BTBD9: variants seen among roughly 807,000 people sequenced by gnomAD.
BTBD9 encodes BTB domain containing 9, also known as BTB/POZ domain-containing protein 9.
BTBD9 carries 49 observed loss-of-function variants against 64.3 expected under a neutral mutation model. The observed-to-expected ratio is 0.76, with a 90% CI of 0.61 to 0.97. The LOEUF (loss-of-function observed/expected upper bound fraction) is 0.97, where lower values mean the gene tolerates loss of function less well. BTBD9 is among the 50% of genes least tolerant of loss of function. BTBD9 has a pLI of 0.00. For synonymous variants in BTBD9, 260 were observed against 274.7 expected, an observed-to-expected ratio of 0.95 and a Z score of 0.53; for missense variants, 598 against 762.1, an observed-to-expected ratio of 0.78 and a Z score of 2.53.
intron 6 of BTBD9, among the ~76,000 whole-genome samples, chr6:38,346,375 A>T (rs549295591): frequency 6.6e-6 from 1 of 152,076 alleles, no homozygotes; most frequent in African/African-American, 2.4e-5. Context: ...TTCCCTGTGC[A>T]CCTCATTTAG....
intron 7 of BTBD9, among the ~76,000 whole-genome samples, chr6:38,293,931 G>A (rs1476799487): frequency 1.3e-5 from 2 of 151,740 alleles, no homozygotes; most frequent in Non-Finnish European, 2.9e-5. Context: ...TCTGACAAAG[G>A]GCTAATATCC....
chr6:38,367,481 G>T (rs896019074), intron 6 of BTBD9, among the ~76,000 whole-genome samples: 1 of 152,066 alleles, frequency 6.6e-6, no homozygotes, highest in Non-Finnish European at 1.5e-5. Context: ...CTCAAGGACT[G>T]GACTGAGTCC....
rs13195992 is a variant in BTBD9 at position 38,428,864 on chromosome 6, C to G, written c.1155-83771G>C. Among the ~76,000 whole-genome samples the G allele has an allele frequency of 1.1e-3, 169 of 151,384 alleles. 1 individual carries two copies. The highest frequency in any genetic ancestry group is 3.3e-3 in the Admixed American group (50 of 15,260). On this transcript the variant is annotated intron_variant, in intron 6 of 10. Coordinates refer to ENST00000481247, the MANE Select transcript of BTBD9 (RefSeq NM_001099272.2). The stretch of plus-strand genomic sequence containing the variant: ...AGTAGCTGGGACTACAGGCGCCCAC[C>G]ACGCCCGGCTAATTTTTTGTATGTT...
chr6:38,227,389 G>C (rs1763434643), intron 9 of BTBD9, among the ~76,000 whole-genome samples: 1 of 152,192 alleles, frequency 6.6e-6, no homozygotes, highest in Non-Finnish European at 1.5e-5. Context: ...CTAATCCAAA[G>C]ATGCTTGAAG....
chr6:38,427,182 TAA>T (rs10709700), intron 6 of BTBD9, among the ~76,000 whole-genome samples: 46 of 140,962 alleles, frequency 3.3e-4, no homozygotes, highest in East Asian at 6.1e-4. Flanking sequence ...TGAGGAGCTT[TAA>T]AAAAAAAAAA....
intron 1 of BTBD9, among the ~76,000 whole-genome samples, chr6:38,616,529 T>C (rs1207943174): frequency 6.6e-6 from 1 of 151,306 alleles, no homozygotes; most frequent in East Asian, 1.9e-4. Context: ...GAGGTGGGAG[T>C]GGGAGGTGAG....
chr6:38,319,893 C>G (rs1395494144), intron 7 of BTBD9, among the ~76,000 whole-genome samples: 1 of 152,106 alleles, frequency 6.6e-6, no homozygotes, highest in Non-Finnish European at 1.5e-5. Context: ...GTGGCCTAGA[C>G]AGCCTTTCAA....
At position 38,172,915 on chromosome 6, in the gene BTBD9, C is replaced by T. The variant is rs1324835219; in HGVS notation, c.*2070G>A. On this transcript the variant is annotated 3_prime_UTR_variant, in exon 11 of 11. Coordinates refer to ENST00000481247, the MANE Select transcript of BTBD9 (RefSeq NM_001099272.2). ...AGGAGGGCTCTGCGTGCTCTGTGGG[C>T]AGGGGACTGGAGGGTTGCAGATGCA... The T allele has an allele frequency of 6.6e-6, 1 of 152,398 alleles. No individual in the cohort carries two copies. Among genetic ancestry groups the T allele is most frequent in the Admixed American group, 6.5e-5 (1 of 15,306 alleles). 9.4% of individuals were successfully genotyped at this position (152,398 alleles called of 1,614,324 possible).
intron 6 of BTBD9, among the ~76,000 whole-genome samples, chr6:38,497,063 A>G (rs913963018): frequency 3.9e-5 from 6 of 152,190 alleles, no homozygotes; most frequent in Non-Finnish European, 7.4e-5. Flanking sequence ...GACAAATGCC[A>G]CAATACAGAA....
At chr6:38,296,037 G>A (rs1012242120) in intron 7 of BTBD9, among the ~76,000 whole-genome samples, 4 of 151,978 alleles carry the variant, frequency 2.6e-5, no homozygotes, top group African/African-American at 9.7e-5. Context: ...AACAAAGCGA[G>A]ACTCTGTCTC....
rs1766681726 is a variant in BTBD9 at position 38,169,854 on chromosome 6, T to G, written c.*5131A>C. On this transcript the variant is annotated 3_prime_UTR_variant, in exon 11 of 11. Transcript: ENST00000481247. The stretch of plus-strand genomic sequence containing the variant: ...ATCATAAATTACAGGTGGATGATTG[T>G]GAGTCTTCAGGCCATGAGGCCTCTT... 6.6e-6 allele frequency: 1 copy of G among 150,562 alleles called. No individual in the cohort carries two copies. Among genetic ancestry groups the G allele is most frequent in the African/African-American group, 2.4e-5 (1 of 40,856 alleles). 9.3% of individuals were successfully genotyped at this position (150,562 alleles called of 1,614,324 possible).
chr6:38,188,658 A>G (rs1348361365), intron 10 of BTBD9, among the ~76,000 whole-genome samples: 3 of 152,212 alleles, frequency 2.0e-5, no homozygotes, highest in African/African-American at 7.2e-5. Flanking sequence ...GGCCACTGTT[A>G]TGGACTGATG....
intron 6 of BTBD9, among the ~76,000 whole-genome samples, chr6:38,423,120 C>G (rs976427304): frequency 1.8e-4 from 27 of 151,972 alleles, no homozygotes; most frequent in African/African-American, 6.0e-4. Flanking sequence ...CAAAAATTAG[C>G]CAGGCTTGGT....
chr6:38,310,974 A>AT (rs1367491529), intron 7 of BTBD9, among the ~76,000 whole-genome samples: 4 of 151,812 alleles, frequency 2.6e-5, no homozygotes, highest in South Asian at 2.1e-4. Context: ...CACCTGGCTA[A>AT]TTTTTTTTGC....
At chr6:38,487,346 C>T (rs915401397) in intron 6 of BTBD9, among the ~76,000 whole-genome samples, 4 of 151,868 alleles carry the variant, frequency 2.6e-5, no homozygotes, top group Admixed American at 1.3e-4. Flanking sequence ...TTTGGGAGAC[C>T]GAGGAGGGCA....
chr6:38,451,955 A>G (rs750758770), intron 6 of BTBD9, among the ~76,000 whole-genome samples: 2 of 152,094 alleles, frequency 1.3e-5, no homozygotes, highest in Non-Finnish European at 1.5e-5. Flanking sequence ...TAAAGTCCTC[A>G]TTCTTTGAAA....
rs1055732123 is a variant in BTBD9 at position 38,548,701 on chromosome 6, G to C, written c.1154+28899C>G. 2.0e-5 allele frequency among the ~76,000 whole-genome samples: 3 copies of C among 152,280 alleles called. No individual in the cohort carries two copies. The East Asian group carries it at 5.8e-4, about 29-fold the overall frequency. On this transcript the variant is annotated intron_variant, in intron 6 of 10. Transcript: ENST00000481247. ...AAACAGTGTACTAAGATGTTTACCT[G>C]AAAACCACACTATAATTCAAATATT...
At chr6:38,417,801 A>AGAGAGAGAGAG (rs56268245) in intron 6 of BTBD9, among the ~76,000 whole-genome samples, 4,929 of 136,854 alleles carry the variant, frequency 0.036, 145 homozygotes, top group East Asian at 0.11. Context: ...AGAGAGAGAG[A>AGAGAGAGAGAG]AAAAAAATAT....
At chr6:38,372,992 G>C (rs1765486088) in intron 6 of BTBD9, among the ~76,000 whole-genome samples, 1 of 152,146 alleles carries the variant, frequency 6.6e-6, no homozygotes, top group African/African-American at 2.4e-5. Context: ...TTATGGGGGA[G>C]GAAGAGAGTG....
Sources: gnomAD v4.1 joint callset for allele counts (sites outside exome capture counted in the v4.1 genomes callset) on GRCh38, gnomAD v4.1.1 for gene constraint, MANE v1.5 for transcripts, NCBI Gene and HGNC (gene_info 2026-07-23, HGNC 2026-07-21) for gene names.